The following EXOC4 variants were observed in gnomAD, a reference collection of about 807,000 sequenced individuals.
The protein encoded by EXOC4 is exocyst complex component 4.
Under a neutral mutation model 107.2 loss-of-function variants are expected in EXOC4, and 71 were observed. That is an observed-to-expected ratio of 0.66 (90% CI 0.55 to 0.81). The LOEUF (loss-of-function observed/expected upper bound fraction) is 0.81. EXOC4 is among the 30% of genes least tolerant of loss of function. The probability of loss-of-function intolerance (pLI) is 0.00; values close to 1 mark genes in which losing one functional copy is unlikely to be tolerated. For synonymous variants in EXOC4, 456 were observed against 441.2 expected (o/e 1.03, Z -0.42); for missense variants, 1,108 against 1,189.6 (o/e 0.93, Z 1.01).
At chr7:133,279,981 A>G (rs949220857) in intron 2 of EXOC4, among the ~76,000 whole-genome samples, 4 of 152,090 alleles carry the variant, frequency 2.6e-5, no homozygotes, top group African/African-American at 9.7e-5. Flanking sequence ...TTTTAGAGAT[A>G]GGGTTTCACT....
chr7:134,044,675 A>G (rs1222482467), intron 17 of EXOC4, among the ~76,000 whole-genome samples: 1 of 152,224 alleles, frequency 6.6e-6, no homozygotes, highest in Non-Finnish European at 1.5e-5. Flanking sequence ...GCTTTAATGT[A>G]GCACACGTTA....
rs532881539 is a variant in EXOC4 at position 133,880,575 on chromosome 7, A to T, written c.1735-15024A>T. On this transcript the variant is annotated intron_variant, in intron 11 of 17. Coordinates refer to ENST00000253861, the MANE Select transcript of EXOC4 (RefSeq NM_021807.4). ...TACGTAAGTCAACAATTACTACCTT[A>T]TTATGTAATATTAGCTAGGGAAAGA... 3.9e-5 allele frequency among the ~76,000 whole-genome samples: 6 copies of T among 152,306 alleles called. No homozygotes were observed. In the East Asian group the frequency reaches 1.2e-3, roughly 29 times the overall value.
intron 17 of EXOC4, among the ~76,000 whole-genome samples, chr7:134,017,162 C>T (rs1234444999): frequency 2.0e-5 from 3 of 152,154 alleles, no homozygotes; most frequent in Non-Finnish European, 4.4e-5. Context: ...CTAGGGGCAC[C>T]TATCCTTTTC....
chr7:133,271,108 CA>C (rs926075339), intron 1 of EXOC4, among the ~76,000 whole-genome samples: 5 of 151,826 alleles, frequency 3.3e-5, no homozygotes, highest in African/African-American at 1.2e-4. Flanking sequence ...TTAGTAGAGA[CA>C]GGGTTTCACC....
chr7:133,694,730 T>G (rs1198255960), intron 10 of EXOC4, among the ~76,000 whole-genome samples: 2 of 152,224 alleles, frequency 1.3e-5, no homozygotes, highest in African/African-American at 4.8e-5. Context: ...TTCAGATTCT[T>G]CTAGCTATTT....
intron 17 of EXOC4, among the ~76,000 whole-genome samples, chr7:134,026,471 C>G (rs1795139423): frequency 7.0e-6 from 1 of 142,900 alleles, no homozygotes; most frequent in South Asian, 2.4e-4. Flanking sequence ...TAATCTGGAT[C>G]TAGAAGAACA....
chr7:133,304,795 C>T (rs777330214), intron 3 of EXOC4, among the ~76,000 whole-genome samples: 11 of 152,166 alleles, frequency 7.2e-5, no homozygotes, highest in Non-Finnish European at 8.8e-5. Context: ...AAGGGTTTTA[C>T]CCTGAAGTAT....
At chr7:133,426,703 A>G (rs1266355663) in intron 7 of EXOC4, among the ~76,000 whole-genome samples, 1 of 152,248 alleles carries the variant, frequency 6.6e-6, no homozygotes, top group Non-Finnish European at 1.5e-5. Context: ...AAGAACTATT[A>G]ATGTATGTAG....
At chr7:133,567,084 A>T (rs1274973293) in intron 9 of EXOC4, among the ~76,000 whole-genome samples, 1 of 152,136 alleles carries the variant, frequency 6.6e-6, no homozygotes, top group African/African-American at 2.4e-5. Context: ...GTAAATTTAA[A>T]TAGGCAATAC....
chr7:133,264,505 C>A (rs1793668734), intron 1 of EXOC4, among the ~76,000 whole-genome samples: 1 of 151,978 alleles, frequency 6.6e-6, no homozygotes, highest in Admixed American at 6.6e-5. Flanking sequence ...TCTAATAAGA[C>A]ATAATTAAGA....
At chr7:133,712,791 C>G (rs1198862062) in intron 10 of EXOC4, among the ~76,000 whole-genome samples, 2 of 152,134 alleles carry the variant, frequency 1.3e-5, no homozygotes, top group Non-Finnish European at 2.9e-5. Flanking sequence ...GAATGAACTA[C>G]CAATACATGC....
intron 10 of EXOC4, among the ~76,000 whole-genome samples, chr7:133,720,549 T>C (rs1018165076): frequency 7.2e-5 from 11 of 152,186 alleles, no homozygotes; most frequent in Non-Finnish European, 5.9e-5. Context: ...AATAGTCCCT[T>C]TTGGAATATA....
chr7:133,718,539 C>T (rs1380239319), intron 10 of EXOC4, among the ~76,000 whole-genome samples: 1 of 152,162 alleles, frequency 6.6e-6, no homozygotes, highest in Non-Finnish European at 1.5e-5. Context: ...GGGTCACTAT[C>T]AGATAATCCT....
intron 10 of EXOC4, among the ~76,000 whole-genome samples, chr7:133,722,472 G>A (rs1196409568): frequency 6.6e-6 from 1 of 152,000 alleles, no homozygotes; most frequent in Non-Finnish European, 1.5e-5. Context: ...TTTTTCCACA[G>A]GGAAAGGGAA....
At position 133,340,223 on chromosome 7, in the gene EXOC4, A is replaced by T. The variant is rs572635799; in HGVS notation, c.764-16107A>T. Reference sequence around the variant, plus strand: ...TGCAGAGAGTTTTAATCATAAAGTGATGCTGGATTTCGTCCAATGTTTTTT... The same window carrying T: ...TGCAGAGAGTTTTAATCATAAAGTGTTGCTGGATTTCGTCCAATGTTTTTT... On this transcript the variant is annotated intron_variant, in intron 5 of 17. Transcript: ENST00000253861. Among the ~76,000 whole-genome samples the T allele has an allele frequency of 1.1e-4, 17 of 152,208 alleles. No individual in the cohort carries two copies. In the East Asian group the frequency reaches 3.1e-3, roughly 28 times the overall value.
chr7:133,857,174 A>T (rs1339558066), intron 11 of EXOC4, among the ~76,000 whole-genome samples: 1 of 17,892 alleles, frequency 5.6e-5, no homozygotes, highest in African/African-American at 3.2e-4. Flanking sequence ...ATATATATAT[A>T]TATATATATA....
At chr7:133,945,435 A>G (rs1800527345) in intron 14 of EXOC4, among the ~76,000 whole-genome samples, 1 of 152,236 alleles carries the variant, frequency 6.6e-6, no homozygotes, top group Non-Finnish European at 1.5e-5. Context: ...TTTACAGAGA[A>G]GAACTGTAGG....
At chr7:133,799,329 C>T (rs1195605257) in intron 10 of EXOC4, among the ~76,000 whole-genome samples, 1 of 152,168 alleles carries the variant, frequency 6.6e-6, no homozygotes, top group African/African-American at 2.4e-5. Flanking sequence ...CATCCAGGAG[C>T]TGAGTCTGAC....
chr7:133,713,556 G>A (rs541819022), intron 10 of EXOC4, among the ~76,000 whole-genome samples: 2 of 152,252 alleles, frequency 1.3e-5, no homozygotes, highest in East Asian at 3.9e-4. Flanking sequence ...CACAAGAAAG[G>A]TATTTGATAT....
Sources: allele counts gnomAD v4.1 joint callset (sites outside exome capture counted in the v4.1 genomes callset), GRCh38; gene constraint gnomAD v4.1.1; transcripts MANE v1.5; gene names NCBI Gene and HGNC (gene_info 2026-07-23, HGNC 2026-07-21).